PRKDC: variants seen among roughly 807,000 people sequenced by gnomAD.
The protein encoded by PRKDC is protein kinase, DNA-activated, catalytic subunit.
In PRKDC, 82 loss-of-function variants were observed where a neutral mutation model predicts 486.9. The observed-to-expected ratio is 0.17, with a 90% CI of 0.14 to 0.20. The LOEUF is 0.20. PRKDC is among the 10% of genes least tolerant of loss of function. The pLI, the probability that PRKDC is intolerant of heterozygous loss-of-function variation, is 1.00. For synonymous variants in PRKDC, 1,895 were observed against 1,837.0 expected, an observed-to-expected ratio of 1.03 and a Z score of -0.81; for missense variants, 4,504 against 5,038.2, an observed-to-expected ratio of 0.89 and a Z score of 3.21.
chr8:47,881,906 GA>G lies in PRKDC; in HGVS notation c.4962+5del. On this transcript the variant is annotated splice_donor_5th_base_variant and intron_variant, in intron 37 of 85. Coordinates refer to ENST00000314191, the MANE Select transcript of PRKDC (RefSeq NM_006904.7). ...AACATGACTGCTTTTTAAAGGAATTGAATACCTGTAAAATTTTTGCCAGTAA... is the reference window on the plus strand; with the variant it reads ...AACATGACTGCTTTTTAAAGGAATTGATACCTGTAAAATTTTTGCCAGTAA... 1.3e-6 allele frequency: 2 copies of G among 1,598,894 alleles called. No homozygotes were observed. The highest frequency in any genetic ancestry group is 1.3e-5 in the African/African-American group (1 of 74,602).
chr8:47,854,307 G>A (rs954634930), intron 50 of PRKDC, 93 bp from the exon 51 acceptor site: 2 of 1,433,700 alleles, frequency 1.4e-6, no homozygotes, highest in African/African-American at 2.8e-5. Flanking sequence ...TTTTGAGACA[G>A]AGTCTGACTC....
rs760087572 is a variant in PRKDC, at chr8:47,785,167, G to T, written c.11053C>A (p.Pro3685Thr). Residue 3685 changes from proline (P) to threonine (T), a missense_variant, in exon 77 of 86, where the codon CCC (proline) becomes ACC (threonine). By Grantham distance (38) the Pro-to-Thr change is conservative. Around this residue, in one of 6 missense-constraint regions of PRKDC, gnomAD observed 706 missense variants for 945.0 expected, o/e 0.75. Coordinates refer to ENST00000314191, the MANE Select transcript of PRKDC (RefSeq NM_006904.7). ...TCCACTTTGAAGTCGCTCATCCAGG[G>T]TGAACATTCTTTCAGATTCCCAGGG... ...KPPGNLKECS[P>T]WMSDFKVEFL... The T allele has an allele frequency of 1.9e-6, 3 of 1,613,928 alleles. No homozygotes were observed. The highest frequency in any genetic ancestry group is 2.5e-6 in the Non-Finnish European group (3 of 1,179,878).
intron 7 of PRKDC, among the ~76,000 whole-genome samples, chr8:47,944,275 T>G (rs914333554): frequency 1.3e-5 from 2 of 152,102 alleles, no homozygotes; most frequent in East Asian, 3.8e-4. Flanking sequence ...ACTTACAAGC[T>G]CTAAGAGATT....
chr8:47,898,396 C>T, intron 29 of PRKDC, 74 bp downstream of exon 29: 2 of 1,195,568 alleles, frequency 1.7e-6, no homozygotes, highest in South Asian at 2.7e-5. Context: ...AGATCCATCC[C>T]AGGTTGTCCT....
rs1216196435 is a variant in PRKDC, at chr8:47,929,973, T to C, written c.1932A>G (p.Pro644=). The C allele has an allele frequency of 1.2e-6, 2 of 1,608,392 alleles. No individual in the cohort carries two copies. Among genetic ancestry groups the C allele is most frequent in the East Asian group, 4.5e-5 (2 of 44,714 alleles). Reference sequence around the variant, plus strand: ...ATTCATATGAAAATGAGTACACCCATGGTTCAAAAAATTCTGCTTGTTTCT... The same window carrying C: ...ATTCATATGAAAATGAGTACACCCACGGTTCAAAAAATTCTGCTTGTTTCT... ...LPEKQAEFFE[P]WVYSFSYELI... The change falls in exon 18 of 86, where the codon CCA becomes CCG. Residue 644 remains proline (P), a synonymous_variant. Transcript: ENST00000314191.
chr8:47,818,140 C>A (rs1368176219), intron 67 of PRKDC, among the ~76,000 whole-genome samples: 1 of 152,076 alleles, frequency 6.6e-6, no homozygotes, highest in Non-Finnish European at 1.5e-5. Context: ...TGGGGGAAAA[C>A]AGCAGTCAGG....
At chr8:47,955,998 TAA>T in intron 3 of PRKDC, 50 bp from the exon 4 acceptor site, 1 of 1,340,414 alleles carries the variant, frequency 7.5e-7, no homozygotes. Context: ...ATATAAAAAC[TAA>T]GACTCAGCAA....
intron 30 of PRKDC, 145 bp downstream of exon 30, chr8:47,897,016 T>C: frequency 1.1e-6 from 1 of 906,454 alleles, no homozygotes; most frequent in South Asian, 2.3e-5. Flanking sequence ...CAGAACTGCA[T>C]TACCTCATCA....
chr8:47,881,837 T>G (rs1374740362), intron 37 of PRKDC, 75 bp downstream of exon 37: 2 of 1,284,282 alleles, frequency 1.6e-6, no homozygotes, highest in South Asian at 1.8e-5. Flanking sequence ...TGGAGCAACC[T>G]CCATCAAATT....
chr8:47,870,647 C>A (rs1368363425), intron 40 of PRKDC, among the ~76,000 whole-genome samples: 3 of 152,148 alleles, frequency 2.0e-5, no homozygotes, highest in Non-Finnish European at 4.4e-5. Context: ...ACAATAAATA[C>A]CTAAAATCTT....
intron 69 of PRKDC, among the ~76,000 whole-genome samples, chr8:47,805,923 T>A (rs943436602): frequency 1.3e-5 from 2 of 152,142 alleles, no homozygotes; most frequent in African/African-American, 4.8e-5. Context: ...TCTCTGCCTT[T>A]GCTTTCCCCA....
chr8:47,885,923 T>A, intron 36 of PRKDC, 21 bp downstream of exon 36: 1 of 1,603,460 alleles, frequency 6.2e-7, no homozygotes, highest in South Asian at 1.1e-5. Context: ...AAACAGTTTA[T>A]TTAAAGGGAA....
At chr8:47,778,196 C>CT (rs1423033232) in intron 83 of PRKDC, among the ~76,000 whole-genome samples, 1 of 152,116 alleles carries the variant, frequency 6.6e-6, no homozygotes, top group Non-Finnish European at 1.5e-5. Context: ...ACGGGGCTTC[C>CT]TAAAACTTTC....
In PRKDC at chr8:47,921,696, C is replaced by A. The variant is rs536222832; in HGVS notation, c.2420-3313G>T. Among the ~76,000 whole-genome samples the A allele has an allele frequency of 4.6e-5, 7 of 152,068 alleles. No homozygotes were observed. The South Asian group carries it at 6.2e-4, about 14-fold the overall frequency. ...CTCAATTTCCCACTCCAGTTTTCTA[C>A]GTGAAACATGAGTTTAGTAATTATA... is the stretch of plus-strand genomic sequence containing the variant. On this transcript the variant is annotated intron_variant, in intron 21 of 85. Coordinates refer to ENST00000314191, the MANE Select transcript of PRKDC (RefSeq NM_006904.7).
Position 47,857,206 on chromosome 8 carries a change from C to T in PRKDC, c.6559G>A (p.Val2187Ile), listed in dbSNP as rs1589746358. Reference sequence around the variant, plus strand: ...GAAAGAATAGTGGCCACTATCTCAACCACCATGTAGTGAATTCCTTCTCCT... The same window carrying T: ...GAAAGAATAGTGGCCACTATCTCAATCACCATGTAGTGAATTCCTTCTCCT... ...NGGEGIHYMV[V>I]EIVATILSWT... is the part of the protein sequence containing the mutation. Residue 2187 changes from valine to isoleucine, a missense_variant, in exon 49 of 86, where the codon GTT (valine) becomes ATT (isoleucine). Around this residue, in one of 6 missense-constraint regions of PRKDC, gnomAD observed 1,592 missense variants for 1,724.6 expected, o/e 0.92. Transcript: ENST00000314191. 3.1e-6 allele frequency: 5 copies of T among 1,613,870 alleles called. No homozygotes were observed. The African/African-American group carries it at 5.3e-5, about 17-fold the overall frequency.
chr8:47,909,613 G>GAT (rs1174612326), intron 25 of PRKDC, among the ~76,000 whole-genome samples: 1 of 152,192 alleles, frequency 6.6e-6, no homozygotes, highest in Non-Finnish European at 1.5e-5. Flanking sequence ...CACAGCCACA[G>GAT]TTTTCTTCTC....
intron 31 of PRKDC, among the ~76,000 whole-genome samples, chr8:47,890,977 A>C (rs1239487750): frequency 6.6e-6 from 1 of 152,192 alleles, no homozygotes; most frequent in Non-Finnish European, 1.5e-5. Flanking sequence ...CAAATTATGG[A>C]GCAGTCTTCA....
At chr8:47,796,154 A>G (rs1249902992) in intron 73 of PRKDC, among the ~76,000 whole-genome samples, 1 of 151,994 alleles carries the variant, frequency 6.6e-6, no homozygotes, top group Non-Finnish European at 1.5e-5. Flanking sequence ...CGGCCTCCCA[A>G]AGTGCTGGGA....
intron 7 of PRKDC, among the ~76,000 whole-genome samples, chr8:47,947,495 A>G (rs1589813507): frequency 6.6e-6 from 1 of 152,252 alleles, no homozygotes; most frequent in Non-Finnish European, 1.5e-5. Flanking sequence ...GGCCAGGCAC[A>G]GTGCCTCAAG....
Sources: allele counts gnomAD v4.1 joint callset (sites outside exome capture counted in the v4.1 genomes callset), GRCh38; gene constraint gnomAD v4.1.1; regional missense constraint gnomAD v4.1.1; transcripts MANE v1.5; gene names NCBI Gene and HGNC (gene_info 2026-07-23, HGNC 2026-07-21).